The following SYT12 variants were observed in gnomAD, a reference collection of about 807,000 sequenced individuals.
The protein encoded by SYT12 is synaptotagmin 12.
In SYT12, 27 loss-of-function variants were observed where a neutral mutation model predicts 39.5. The ratio of observed to expected loss-of-function variants is 0.68; its 90% CI spans 0.50 to 0.94. The LOEUF (loss-of-function observed/expected upper bound fraction) is 0.94, where lower values mean the gene tolerates loss of function less well. Among genes scored for constraint, SYT12 ranks in the 40% least tolerant of loss-of-function variants. The pLI is 0.00. For missense variants in SYT12, 536 were observed against 572.6 expected, an observed-to-expected ratio of 0.94 and a Z score of 0.65; for synonymous variants, 233 against 239.7, an observed-to-expected ratio of 0.97 and a Z score of 0.26.
At chr11:67,025,390 C>T (rs117001649) in intron 1 of SYT12, among the ~76,000 whole-genome samples, 1,796 of 152,206 alleles carry the variant, frequency 0.012, 16 homozygotes, top group Non-Finnish European at 0.016. Flanking sequence ...TGGGACTGAA[C>T]GAATTGGTCA....
At chr11:67,022,551 G>T (rs904869214), upstream of SYT12, among the ~76,000 whole-genome samples, 4 of 152,246 alleles carry the variant, frequency 2.6e-5, no homozygotes, top group Non-Finnish European at 2.9e-5. Flanking sequence ...CAGCCCCTGC[G>T]GGGGCGTCAT....
intron 3 of SYT12, among the ~76,000 whole-genome samples, chr11:67,035,565 C>T (rs1259423223): frequency 6.7e-6 from 1 of 149,230 alleles, no homozygotes; most frequent in South Asian, 2.1e-4. Context: ...TCACGCCATT[C>T]TCCTGCCTCA....
chr11:67,039,334 G>A (rs896441154), intron 3 of SYT12, among the ~76,000 whole-genome samples: 5 of 151,232 alleles, frequency 3.3e-5, no homozygotes, highest in African/African-American at 1.2e-4. Flanking sequence ...CCCTAGGCTG[G>A]GCACGGTGGC....
chr11:67,040,828 ACT>A (rs1325742502), intron 4 of SYT12, among the ~76,000 whole-genome samples: 1 of 149,490 alleles, frequency 6.7e-6, no homozygotes, highest in Non-Finnish European at 1.5e-5. Flanking sequence ...ACAGAGGGAG[ACT>A]CTGTCTCAAA....
chr11:67,047,804 T>C (rs1310422498), intron 7 of SYT12, among the ~76,000 whole-genome samples: 1 of 133,400 alleles, frequency 7.5e-6, no homozygotes, highest in Non-Finnish European at 1.6e-5. Flanking sequence ...TTTTTTTTTT[T>C]TGAGACGGAG....
chr11:67,042,534 G>A (rs987640574), intron 4 of SYT12, among the ~76,000 whole-genome samples: 12 of 152,178 alleles, frequency 7.9e-5, no homozygotes, highest in Non-Finnish European at 1.2e-4. Flanking sequence ...CCAAGACAAC[G>A]CCAGTAAGGA....
intron 3 of SYT12, among the ~76,000 whole-genome samples, chr11:67,035,804 TCCTTCCTTCCTTCC>T (rs1950359745): frequency 1.7e-5 from 1 of 57,426 alleles, no homozygotes; most frequent in African/African-American, 8.7e-5. Flanking sequence ...CTTCCTTCCT[TCCTTCCTTCCTTCC>T]TTCCTTCCTT....
At position 67,048,625 on chromosome 11, in the gene SYT12, C is replaced by T. The variant is rs77320543; in HGVS notation, c.1134C>T (p.Asp378=). 3.2e-4 allele frequency: 513 copies of T among 1,609,770 alleles called. No individual in the cohort carries two copies. In the African/African-American group the frequency reaches 5.3e-3, roughly 16 times the overall value. ...TGACGGTGGCTGAGAGCAGCAGCGA[C>T]GGCCGTGGGGACAACGTGGGCCATG... is the stretch of plus-strand genomic sequence containing the variant. ...LRVTVAESSS[D]GRGDNVGHVI... The change falls in exon 8 of 8, where the codon GAC becomes GAT. Residue 378 remains aspartate (D), a synonymous_variant. Coordinates refer to ENST00000527043, the MANE Select transcript of SYT12 (RefSeq NM_177963.4).
Position 67,045,934 on chromosome 11 carries a change from C to G in SYT12, c.1092+57C>G, listed in dbSNP as rs576703072. ...GGTCACCCCAGGGCTCTGGGGCTGCCGCATCTCTCCACCTTCTCTTCTCAG... is the reference window on the plus strand; with the variant it reads ...GGTCACCCCAGGGCTCTGGGGCTGCGGCATCTCTCCACCTTCTCTTCTCAG... On this transcript the variant is annotated intron_variant, in intron 7 of 7. Transcript: ENST00000527043. The G allele has an allele frequency of 5.6e-6, 9 of 1,602,190 alleles. No homozygotes were observed. The African/African-American group carries it at 1.2e-4, about 22-fold the overall frequency.
intron 3 of SYT12, among the ~76,000 whole-genome samples, chr11:67,039,123 G>C (rs757500846): frequency 1.3e-5 from 2 of 151,100 alleles, no homozygotes; most frequent in Non-Finnish European, 2.9e-5. Flanking sequence ...GGCCAACATG[G>C]AGAAACCCTG....
chr11:67,031,184 C>T (rs1378906885), intron 2 of SYT12: 2 of 152,250 alleles, frequency 1.3e-5, no homozygotes, highest in African/African-American at 4.8e-5. Context: ...ACTTACTTAT[C>T]TGTAAAATGC....
chr11:67,047,977 G>A (rs1854614300), intron 7 of SYT12, among the ~76,000 whole-genome samples: 1 of 147,710 alleles, frequency 6.8e-6, no homozygotes, highest in Admixed American at 6.8e-5. Flanking sequence ...ATTTTTAGTA[G>A]AGACGGGGTT....
intron 1 of SYT12, among the ~76,000 whole-genome samples, chr11:67,026,435 G>A (rs773415953): frequency 4.6e-5 from 7 of 151,922 alleles, no homozygotes; most frequent in Non-Finnish European, 7.4e-5. Context: ...CACCAAGCCC[G>A]GCTAATTTTG....
chr11:67,042,798 T>A (rs2136229053), intron 4 of SYT12, among the ~76,000 whole-genome samples: 1 of 152,252 alleles, frequency 6.6e-6, no homozygotes, highest in Admixed American at 6.5e-5. Flanking sequence ...CAGGGGATTG[T>A]GTAGGGAACG....
intron 1 of SYT12, among the ~76,000 whole-genome samples, chr11:67,009,016 T>C (rs1949992251): frequency 6.6e-6 from 1 of 152,044 alleles, no homozygotes; most frequent in South Asian, 2.1e-4. Flanking sequence ...CTTGGGGCTT[T>C]TGTTGTTGTT....
chr11:67,009,778 G>A (rs1239575010), intron 1 of SYT12: 1 of 152,492 alleles, frequency 6.6e-6, no homozygotes, highest in Non-Finnish European at 1.5e-5. Flanking sequence ...TTGTGGGAAA[G>A]GGGAGTGAGT....
intron 1 of SYT12, chr11:67,027,932 C>T (rs1326005329): frequency 1.3e-5 from 2 of 152,184 alleles, no homozygotes; most frequent in Admixed American, 6.5e-5. Context: ...TTCAGCGTAT[C>T]CAGACCAGCT....
chr11:67,007,955 CTTTTT>C (rs747885357), intron 1 of SYT12, among the ~76,000 whole-genome samples: 14 of 137,138 alleles, frequency 1.0e-4, no homozygotes, highest in Admixed American at 9.6e-4. Flanking sequence ...GAAGCCCTAA[CTTTTT>C]TTTTTTTTTT....
intron 3 of SYT12, among the ~76,000 whole-genome samples, chr11:67,012,286 G>A (rs1017436787): frequency 2.0e-5 from 3 of 152,104 alleles, no homozygotes; most frequent in Middle Eastern, 3.4e-3. Context: ...CAGGAGAATC[G>A]CTTGAACCCG....
Sources: allele counts gnomAD v4.1 joint callset (sites outside exome capture counted in the v4.1 genomes callset), GRCh38; gene constraint gnomAD v4.1.1; transcripts MANE v1.5; gene names NCBI Gene and HGNC (gene_info 2026-07-23, HGNC 2026-07-21).